Variants in CDON observed in about 807,000 individuals in gnomAD.
CDON encodes the protein cell adhesion associated, oncogene regulated.
In CDON, 73 loss-of-function variants were observed where a neutral mutation model predicts 120.9. The ratio of observed to expected loss-of-function variants is 0.60; its 90% CI spans 0.50 to 0.73. The LOEUF is 0.73. Ranked by LOEUF, CDON falls within the 30% of genes least tolerant of loss-of-function variation. CDON has a pLI of 0.00. For missense variants in CDON, 1,470 were observed against 1,587.3 expected (o/e 0.93, Z 1.26); for synonymous variants, 566 against 573.5 (o/e 0.99, Z 0.19).
chr11:126,046,379 A>G (rs58219588), intron 1 of CDON, among the ~76,000 whole-genome samples: 1 of 152,184 alleles, frequency 6.6e-6, no homozygotes, highest in African/African-American at 2.4e-5. Context: ...TCCTGCATAC[A>G]TGTTCAATAT....
Position 126,006,016 on chromosome 11 carries a change from G to C in CDON, c.1594C>G (p.Pro532Ala), listed in dbSNP as rs778651865. 1 of 1,614,118 alleles carries C rather than the reference G, an allele frequency of 6.2e-7. No individual in the cohort carries two copies. Among genetic ancestry groups the C allele is most frequent in the Admixed American group, 1.7e-5 (1 of 60,018 alleles). Residue 532 changes from proline to alanine, a missense_variant, in exon 9 of 20, where the codon CCT (proline) becomes GCT (alanine). Coordinates refer to ENST00000531738, the MANE Select transcript of CDON (RefSeq NM_001378964.1). ...CTGTCATCATTCTGAGCAGCATCAG[G>C]AAGTGTGACTGTCTCTGCTTTTGTA... ...TNTKAETVTL[P>A]DAAQNDDRSK...
chr11:126,010,751 C>T, intron 7 of CDON, 57 bp from the exon 8 acceptor site: 1 of 1,358,434 alleles, frequency 7.4e-7, no homozygotes, highest in Non-Finnish European at 1.0e-6. Flanking sequence ...ACCTACGATG[C>T]AAAACAACTT....
chr11:126,008,045 A>G (rs945854494), intron 8 of CDON, among the ~76,000 whole-genome samples: 1 of 152,176 alleles, frequency 6.6e-6, no homozygotes, highest in Non-Finnish European at 1.5e-5. Context: ...GAGTACAACC[A>G]TATCTGTCAA....
At chr11:126,000,135 A>G (rs1160939570) in intron 11 of CDON, among the ~76,000 whole-genome samples, 1 of 152,174 alleles carries the variant, frequency 6.6e-6, no homozygotes, top group Non-Finnish European at 1.5e-5. Flanking sequence ...AGCAATCAAA[A>G]TTGTTATCAG....
At chr11:126,047,824 G>C (rs1565554510) in intron 1 of CDON, among the ~76,000 whole-genome samples, 1 of 152,120 alleles carries the variant, frequency 6.6e-6, no homozygotes, top group Non-Finnish European at 1.5e-5. Flanking sequence ...CTAGGTTAAA[G>C]CTCCCATTTA....
At position 126,040,840 on chromosome 11, in the gene CDON, A is replaced by T. The variant is rs1180741810; in HGVS notation, c.-61-17303T>A. On this transcript the variant is annotated intron_variant, in intron 1 of 19. Coordinates refer to ENST00000531738, the MANE Select transcript of CDON (RefSeq NM_001378964.1). ...AAAAAAAAAAAAAAAAAAAAAAAAA[A>T]AAAAAAGGTACTAAAGTCAAGGCGA... Among the ~76,000 whole-genome samples the T allele has an allele frequency of 2.7e-5, 4 of 146,176 alleles. No homozygotes were observed. In the Admixed American group the frequency reaches 2.8e-4, roughly 10 times the overall value.
At chr11:126,017,706 C>CTTT (rs11427608) in intron 5 of CDON, among the ~76,000 whole-genome samples, 8 of 140,774 alleles carry the variant, frequency 5.7e-5, no homozygotes, top group African/African-American at 1.8e-4. Context: ...AGACATATCT[C>CTTT]TTTTTTTTTT....
intron 13 of CDON, 111 bp downstream of exon 13, chr11:125,994,760 C>T: frequency 2.1e-6 from 2 of 939,372 alleles, no homozygotes; most frequent in South Asian, 2.8e-5. Flanking sequence ...TGCACTTCCC[C>T]TCAATTAAAA....
At chr11:126,052,620 C>G (rs1948590729) in intron 1 of CDON, among the ~76,000 whole-genome samples, 1 of 152,150 alleles carries the variant, frequency 6.6e-6, no homozygotes, top group African/African-American at 2.4e-5. Context: ...GTCAAGAGTT[C>G]AAGACCAGCC....
intron 16 of CDON, 77 bp downstream of exon 16, chr11:125,983,795 G>C: frequency 9.6e-7 from 1 of 1,041,060 alleles, no homozygotes; most frequent in South Asian, 1.3e-5. Context: ...AACAGTGTTA[G>C]AAATCAATAT....
At chr11:126,039,656 T>C (rs184391410) in intron 1 of CDON, among the ~76,000 whole-genome samples, 1 of 152,210 alleles carries the variant, frequency 6.6e-6, no homozygotes. Context: ...CTGAGTCATC[T>C]GTAAACGCAG....
At position 125,981,963 on chromosome 11, in the gene CDON, CTATTTTCTTTTTTTTTTTTTTT is replaced by C. The variant is rs1272618288; in HGVS notation, c.2996-656_2996-635del. On this transcript the variant is annotated intron_variant, in intron 16 of 19. Transcript: ENST00000531738. ...GGAGTACCAAAGGCAAAAAGTGATTCTATTTTCTTTTTTTTTTTTTTTTTTTTTTTTTTTTTTGAGATGGAGT... is the reference window on the plus strand; with the variant it reads ...GGAGTACCAAAGGCAAAAAGTGATTCTTTTTTTTTTTTTTTGAGATGGAGT... Among the ~76,000 whole-genome samples the C allele has an allele frequency of 3.5e-4, 12 of 34,154 alleles. No individual in the cohort carries two copies. The East Asian group carries it at 0.011, about 32-fold the overall frequency. The allele number at this position is 34,154 out of a possible 152,430, so 22.4% of individuals were successfully genotyped here.
chr11:126,043,609 C>G (rs1043069539), intron 1 of CDON, among the ~76,000 whole-genome samples: 1 of 152,158 alleles, frequency 6.6e-6, no homozygotes, highest in Non-Finnish European at 1.5e-5. Flanking sequence ...ACAAAGAACA[C>G]TCAGATAGCC....
chr11:126,062,468 C>A (rs1274416853), intron 1 of CDON, 111 bp downstream of exon 1: 1 of 152,450 alleles, frequency 6.6e-6, no homozygotes, highest in Non-Finnish European at 1.5e-5. Context: ...CCAGGGAACG[C>A]CGGCCCGCCC....
chr11:125,978,379 C>A lies in CDON; in HGVS notation c.3281G>T (p.Gly1094Val), dbSNP rs775236931. 6.3e-7 allele frequency: 1 copy of A among 1,599,736 alleles called. No individual in the cohort carries two copies. The highest frequency in any genetic ancestry group is 2.2e-5 in the East Asian group (1 of 44,814). The part of the protein sequence containing the change: ...FEHPHHLVNG[G>V]GMYTAVPQID... Reference sequence around the variant, plus strand: ...CTGAGGCACGGCCGTGTACATTCCACCACCCTGGACAGGAAGGAGTGTCAG... The same window carrying A: ...CTGAGGCACGGCCGTGTACATTCCAACACCCTGGACAGGAAGGAGTGTCAG... The change falls in exon 18 of 20, where the codon GGT becomes GTT. Residue 1094 changes from glycine (G) to valine (V), a missense_variant. Physicochemically the swap from Gly to Val is moderately radical, Grantham distance 109. Transcript: ENST00000531738.
intron 18 of CDON, among the ~76,000 whole-genome samples, chr11:125,969,172 A>T (rs1234041173): frequency 6.6e-6 from 1 of 151,728 alleles, no homozygotes; most frequent in South Asian, 2.1e-4. Context: ...CTAATTTTGT[A>T]TTTTTAGTAG....
At position 126,005,859 on chromosome 11, in the gene CDON, C is replaced by A; in HGVS notation, c.1751G>T (p.Ser584Ile). 6.2e-7 allele frequency: 1 copy of A among 1,614,052 alleles called. No individual in the cohort carries two copies. The highest frequency in any genetic ancestry group is 8.5e-7 in the Non-Finnish European group (1 of 1,179,986). ...GTCTGGTGTGTGGGTCTGTGGGGGGCTCAGTATGATGGGGGCATCAGGAAC... is the reference window on the plus strand; with the variant it reads ...GTCTGGTGTGTGGGTCTGTGGGGGGATCAGTATGATGGGGGCATCAGGAAC... ...ISVPDAPIIL[S>I]PPQTHTPDTY... Residue 584 changes from serine (S) to isoleucine (I), a missense_variant, in exon 9 of 20, where the codon AGC (serine) becomes ATC (isoleucine). By Grantham distance (142) the Ser-to-Ile change is moderately radical. Coordinates refer to ENST00000531738, the MANE Select transcript of CDON (RefSeq NM_001378964.1).
intron 1 of CDON, among the ~76,000 whole-genome samples, chr11:126,046,019 G>T (rs541358488): frequency 8.6e-5 from 13 of 151,904 alleles, no homozygotes; most frequent in African/African-American, 3.1e-4. Context: ...TTAAGTGCTA[G>T]CCCCTTTTTA....
At chr11:126,008,579 T>C (rs2134616779) in intron 8 of CDON, among the ~76,000 whole-genome samples, 1 of 152,262 alleles carries the variant, frequency 6.6e-6, no homozygotes, top group African/African-American at 2.4e-5. Context: ...GGTGAGGAAG[T>C]TCGACAAAAT....
Sources: allele counts gnomAD v4.1 joint callset (sites outside exome capture counted in the v4.1 genomes callset), GRCh38; gene constraint gnomAD v4.1.1; transcripts MANE v1.5; gene names NCBI Gene and HGNC (gene_info 2026-07-23, HGNC 2026-07-21).